Variants in TPGS2 observed in about 807,000 individuals in gnomAD.
The protein encoded by TPGS2 is polyglutamylase subunit 2.
In TPGS2, 26 loss-of-function variants were observed where a neutral mutation model predicts 31.1. The ratio of observed to expected loss-of-function variants is 0.84; its 90% confidence interval spans 0.61 to 1.16. The LOEUF is 1.16. Ranked by LOEUF, TPGS2 falls within the 50% of genes most tolerant of loss-of-function variation. The probability of loss-of-function intolerance (pLI) is 0.00; values close to 1 mark genes in which losing one functional copy is unlikely to be tolerated. For synonymous variants in TPGS2, 130 were observed against 136.6 expected, an observed-to-expected ratio of 0.95 and a Z score of 0.34; for missense variants, 351 against 363.8, an observed-to-expected ratio of 0.96 and a Z score of 0.29.
intron 6 of TPGS2, among the ~76,000 whole-genome samples, chr18:36,784,408 T>A (rs1267234685): frequency 1.3e-5 from 2 of 152,244 alleles, no homozygotes; most frequent in African/African-American, 4.8e-5. Context: ...TGCAGCCATA[T>A]CTAGATTTTT....
downstream of TPGS2, among the ~76,000 whole-genome samples, chr18:36,793,416 G>A (rs1182239443): frequency 1.3e-5 from 2 of 152,200 alleles, no homozygotes; most frequent in Non-Finnish European, 2.9e-5. Context: ...AGCCCCAACA[G>A]GCTGCACTTC....
At chr18:36,827,069 G>T (rs1031877356) in intron 1 of TPGS2, among the ~76,000 whole-genome samples, 4 of 151,644 alleles carry the variant, frequency 2.6e-5, no homozygotes, top group Non-Finnish European at 4.4e-5. Context: ...ACAGGGTCTT[G>T]CTATGTTGTC....
intron 6 of TPGS2, among the ~76,000 whole-genome samples, chr18:36,787,987 CTATT>C (rs1375232821): frequency 6.6e-6 from 1 of 152,192 alleles, no homozygotes; most frequent in African/African-American, 2.4e-5. Flanking sequence ...ATCTATCTAT[CTATT>C]GGTCAATCTA....
chr18:36,828,833 G>A lies in TPGS2; in HGVS notation c.-66C>T. ...GGGCCGGACCCCGCCTCAGCGCCGA[G>A]GCCAATTTCATGGCATGCCGGGAAC... On this transcript the variant is annotated 5_prime_UTR_variant, in exon 1 of 7. Coordinates refer to ENST00000334295, the MANE Select transcript of TPGS2 (RefSeq NM_015476.4). 5 of 1,576,228 alleles carry A rather than the reference G, an allele frequency of 3.2e-6. No individual in the cohort carries two copies. Among genetic ancestry groups the A allele is most frequent in the Non-Finnish European group, 3.5e-6 (4 of 1,154,750 alleles).
At chr18:36,800,348 A>C in intron 4 of TPGS2, 37 bp from the exon 5 acceptor site, 1 of 1,591,912 alleles carries the variant, frequency 6.3e-7, no homozygotes, top group Non-Finnish European at 8.6e-7. Flanking sequence ...GTTCAAACAA[A>C]CTCAACTCAA....
chr18:36,824,467 C>T (rs942309424), intron 1 of TPGS2, among the ~76,000 whole-genome samples: 7 of 152,258 alleles, frequency 4.6e-5, no homozygotes, highest in East Asian at 1.9e-4. Flanking sequence ...TCAAAGCTGC[C>T]GTACCATTTT....
Position 36,794,830 on chromosome 18 carries a change from A to AT in TPGS2, c.*1974_*1975insA. ...AATATGTGACAGTCATGTTATGGTT[A>AT]AAACACACACACACACACACACACA... On this transcript the variant is annotated 3_prime_UTR_variant, in exon 7 of 7. Coordinates refer to ENST00000334295, the MANE Select transcript of TPGS2 (RefSeq NM_015476.4). 1 of 940,806 alleles carries AT rather than the reference A, an allele frequency of 1.1e-6. No individual in the cohort carries two copies. The highest frequency in any genetic ancestry group is 1.3e-4 in the East Asian group (1 of 7,430). The allele number at this position is 940,806 out of a possible 1,614,324, so 58.3% of individuals were successfully genotyped here.
chr18:36,816,671 C>A (rs530719416), intron 2 of TPGS2, among the ~76,000 whole-genome samples: 1 of 152,094 alleles, frequency 6.6e-6, no homozygotes, highest in South Asian at 2.1e-4. Context: ...TGCAGTTGTG[C>A]GATCTCAGTT....
At chr18:36,781,634 T>A (rs1171831960), downstream of TPGS2, among the ~76,000 whole-genome samples, 1 of 152,102 alleles carries the variant, frequency 6.6e-6, no homozygotes, top group African/African-American at 2.4e-5. Flanking sequence ...AGAGTGAGAC[T>A]CTGTCTCCAA....
At chr18:36,806,253 TAAG>T (rs372436558) in intron 3 of TPGS2, among the ~76,000 whole-genome samples, 194 of 152,264 alleles carry the variant, frequency 1.3e-3, no homozygotes, top group African/African-American at 4.4e-3. Flanking sequence ...GAAATGGGGA[TAAG>T]AAGACTGGGC....
At chr18:36,817,039 T>C (rs1163432654) in intron 2 of TPGS2, among the ~76,000 whole-genome samples, 3 of 152,264 alleles carry the variant, frequency 2.0e-5, no homozygotes, top group African/African-American at 7.2e-5. Context: ...ACTGGCATAG[T>C]CACAGAAGTA....
chr18:36,795,171 T>TATC lies in TPGS2; in HGVS notation c.*1631_*1633dup, dbSNP rs1278812301. On this transcript the variant is annotated 3_prime_UTR_variant, in exon 7 of 7. Coordinates refer to ENST00000334295, the MANE Select transcript of TPGS2 (RefSeq NM_015476.4). ...TCGAAGGCGCTTTCTCATGAATATC[T>TATC]ATCACTATTGTCAACAATCAAAATA... 15 of 985,410 alleles carry TATC rather than the reference T, an allele frequency of 1.5e-5. No individual in the cohort carries two copies. The East Asian group carries it at 1.4e-3, about 89-fold the overall frequency. 61.0% of individuals were successfully genotyped at this position (985,410 alleles called of 1,614,324 possible).
chr18:36,785,245 G>T (rs1230372696), intron 6 of TPGS2, among the ~76,000 whole-genome samples: 2 of 152,160 alleles, frequency 1.3e-5, no homozygotes, highest in African/African-American at 4.8e-5. Context: ...GTTGCAGTGA[G>T]CCGAGATCGC....
downstream of TPGS2, among the ~76,000 whole-genome samples, chr18:36,780,583 T>C (rs2150510638): frequency 6.6e-6 from 1 of 152,328 alleles, no homozygotes; most frequent in South Asian, 2.1e-4. Flanking sequence ...ATTGTGCAGA[T>C]ATTATAGACT....
intron 2 of TPGS2, among the ~76,000 whole-genome samples, chr18:36,813,840 G>A (rs1022585663): frequency 6.6e-6 from 1 of 152,228 alleles, no homozygotes; most frequent in Non-Finnish European, 1.5e-5. Context: ...AGGGTTGACT[G>A]GTGGAGAACA....
At position 36,795,130 on chromosome 18, in the gene TPGS2, G is replaced by A. The variant is rs2044467202; in HGVS notation, c.*1675C>T. 1 of 985,436 alleles carries A rather than the reference G, an allele frequency of 1.0e-6. No homozygotes were observed. The allele number at this position is 985,436 out of a possible 1,614,324, so 61.0% of individuals were successfully genotyped here. On this transcript the variant is annotated 3_prime_UTR_variant, in exon 7 of 7. Transcript: ENST00000334295. ...TTTTCCTCAGGGGCTATGGAAAGTG[G>A]TAGGTGGAGGAGATATCGAAGGCGC...
chr18:36,807,767 C>T (rs990601963), intron 3 of TPGS2, 80 bp downstream of exon 3: 1 of 1,356,562 alleles, frequency 7.4e-7, no homozygotes, highest in Non-Finnish European at 1.0e-6. Context: ...TTCAAAGACT[C>T]AAAAGTCGAA....
chr18:36,791,202 C>A (rs371617724), downstream of TPGS2, among the ~76,000 whole-genome samples: 12 of 152,196 alleles, frequency 7.9e-5, no homozygotes, highest in Non-Finnish European at 1.5e-4. Context: ...GAGGCCTCCC[C>A]AGCTATGCTT....
chr18:36,804,800 C>A (rs2045029145), intron 4 of TPGS2, among the ~76,000 whole-genome samples: 1 of 152,178 alleles, frequency 6.6e-6, no homozygotes, highest in South Asian at 2.1e-4. Context: ...GGAGGTGCTG[C>A]TGAGAAAACC....
Sources: allele counts gnomAD v4.1 joint callset (sites outside exome capture counted in the v4.1 genomes callset), GRCh38; gene constraint gnomAD v4.1.1; transcripts MANE v1.5; gene names NCBI Gene and HGNC (gene_info 2026-07-23, HGNC 2026-07-21).